The following TTC27 variants were observed in gnomAD, a reference collection of about 807,000 sequenced individuals.
The protein encoded by TTC27 is tetratricopeptide repeat domain 27.
A neutral mutation model predicts 115.9 loss-of-function variants in TTC27; 79 were observed. The ratio of observed to expected loss-of-function variants is 0.68; its 90% CI spans 0.57 to 0.82. The LOEUF is 0.82. Ranked by LOEUF, TTC27 falls within the 40% of genes least tolerant of loss-of-function variation. The pLI is 0.00. For missense variants in TTC27, 1,054 were observed against 993.1 expected (o/e 1.06, Z -0.82); for synonymous variants, 401 against 356.0 (o/e 1.13, Z -1.42).
chr2:32,756,344 A>G (rs902127114), intron 12 of TTC27, among the ~76,000 whole-genome samples: 1 of 152,216 alleles, frequency 6.6e-6, no homozygotes, highest in Non-Finnish European at 1.5e-5. Flanking sequence ...ACATCTCTTT[A>G]TAGGTGACTA....
intron 16 of TTC27, among the ~76,000 whole-genome samples, chr2:32,788,652 A>G (rs1670426854): frequency 6.6e-6 from 1 of 152,128 alleles, no homozygotes; most frequent in Non-Finnish European, 1.5e-5. Flanking sequence ...AACCCCAGTA[A>G]TCTCCTTCAT....
At chr2:32,730,900 G>A (rs1030000916) in intron 10 of TTC27, among the ~76,000 whole-genome samples, 2 of 152,014 alleles carry the variant, frequency 1.3e-5, no homozygotes, top group Non-Finnish European at 2.9e-5. Flanking sequence ...GGGATTACAG[G>A]CATGAGCCAT....
chr2:32,820,925 G>A lies in TTC27; in HGVS notation c.2519G>A (p.Arg840Gln), dbSNP rs889756340. 2.2e-5 allele frequency: 34 copies of A among 1,520,832 alleles called. No homozygotes were observed. Among genetic ancestry groups the A allele is most frequent in the Middle Eastern group, 1.7e-4 (1 of 5,900 alleles). The allele number at this position is 1,520,832 out of a possible 1,614,324, so 94.2% of individuals were successfully genotyped here. The part of the protein sequence containing the change: ...TELQDLSNQF[R>Q]NQY ...CTCCAAGACCTAAGCAACCAGTTTC[G>A]AAATCAGTATTGATTCTGCTGGAAG... The change falls in exon 20 of 20, where the codon CGA becomes CAA. Residue 840 changes from arginine (R) to glutamine (Q), a missense_variant. Transcript: ENST00000317907.
chr2:32,807,464 T>C (rs1273586612), intron 16 of TTC27, among the ~76,000 whole-genome samples: 1 of 151,590 alleles, frequency 6.6e-6, no homozygotes, highest in Non-Finnish European at 1.5e-5. Context: ...TTTGTTGACT[T>C]CTTCTTATCT....
chr2:32,747,047 T>C (rs1266937719), intron 12 of TTC27, among the ~76,000 whole-genome samples: 1 of 152,184 alleles, frequency 6.6e-6, no homozygotes, highest in Non-Finnish European at 1.5e-5. Context: ...TCACCTTCTC[T>C]GGAAAGTTAC....
intron 10 of TTC27, among the ~76,000 whole-genome samples, chr2:32,726,123 T>C (rs1668101875): frequency 6.6e-6 from 1 of 152,228 alleles, no homozygotes; most frequent in Non-Finnish European, 1.5e-5. Context: ...GGACCTGTTA[T>C]TGGAGGGGCT....
chr2:32,732,838 A>T (rs921520144), intron 10 of TTC27, among the ~76,000 whole-genome samples: 3 of 152,226 alleles, frequency 2.0e-5, no homozygotes, highest in African/African-American at 7.2e-5. Context: ...TCCTCATAAG[A>T]GAGGCCTGTG....
chr2:32,713,354 A>C (rs969098066), intron 10 of TTC27, among the ~76,000 whole-genome samples: 1 of 152,244 alleles, frequency 6.6e-6, no homozygotes, highest in Non-Finnish European at 1.5e-5. Context: ...TTGAAAAAAA[A>C]ATTGTGCAAA....
intron 16 of TTC27, among the ~76,000 whole-genome samples, chr2:32,797,417 G>C (rs1206017721): frequency 6.6e-6 from 1 of 152,078 alleles, no homozygotes; most frequent in African/African-American, 2.4e-5. Flanking sequence ...GGCTCAAGCA[G>C]CCTGCCCGCC....
chr2:32,773,007 C>T (rs1669880420), intron 13 of TTC27, among the ~76,000 whole-genome samples: 2 of 152,160 alleles, frequency 1.3e-5, no homozygotes, highest in Admixed American at 6.5e-5. Context: ...CTCTATCACA[C>T]TCTAGGGGAC....
At chr2:32,819,375 C>A (rs1020960966) in intron 19 of TTC27, among the ~76,000 whole-genome samples, 2 of 152,158 alleles carry the variant, frequency 1.3e-5, no homozygotes, top group Admixed American at 1.3e-4. Context: ...AGTGCCTCCT[C>A]TGAAGCATAT....
intron 3 of TTC27, among the ~76,000 whole-genome samples, chr2:32,639,666 T>C (rs1289335302): frequency 6.6e-6 from 1 of 152,226 alleles, no homozygotes; most frequent in Admixed American, 6.5e-5. Context: ...GAAGTGATGA[T>C]ATCTCTTCAA....
At chr2:32,656,017 C>A (rs1162186800) in intron 5 of TTC27, among the ~76,000 whole-genome samples, 1 of 152,136 alleles carries the variant, frequency 6.6e-6, no homozygotes, top group African/African-American at 2.4e-5. Flanking sequence ...GACTGCTCAA[C>A]AACATCAGGG....
At chr2:32,724,445 A>G (rs1461469721) in intron 10 of TTC27, among the ~76,000 whole-genome samples, 1 of 152,130 alleles carries the variant, frequency 6.6e-6, no homozygotes, top group African/African-American at 2.4e-5. Context: ...GACTATGGCT[A>G]CCAGACTGTG....
At chr2:32,814,141 T>C (rs1279389902) in intron 18 of TTC27, among the ~76,000 whole-genome samples, 1 of 152,240 alleles carries the variant, frequency 6.6e-6, no homozygotes, top group African/African-American at 2.4e-5. Flanking sequence ...TATGAACTGC[T>C]CGTCTGTAAC....
chr2:32,629,855 A>G (rs1050831469), intron 1 of TTC27, among the ~76,000 whole-genome samples: 2 of 152,212 alleles, frequency 1.3e-5, no homozygotes, highest in Non-Finnish European at 2.9e-5. Context: ...CAAAAGAGTA[A>G]TAATGAACAG....
intron 16 of TTC27, among the ~76,000 whole-genome samples, chr2:32,799,879 A>T (rs748914329): frequency 5.9e-5 from 9 of 152,232 alleles, no homozygotes; most frequent in Non-Finnish European, 1.0e-4. Context: ...CAAAAGCTTG[A>T]AACCAAAATA....
intron 16 of TTC27, among the ~76,000 whole-genome samples, chr2:32,802,329 GT>G (rs1364508681): frequency 6.6e-6 from 1 of 152,010 alleles, no homozygotes; most frequent in Non-Finnish European, 1.5e-5. Flanking sequence ...AAGTTACCTA[GT>G]TTTTAAAAGT....
At chr2:32,791,790 G>A (rs2060065140) in intron 16 of TTC27, among the ~76,000 whole-genome samples, 1 of 152,102 alleles carries the variant, frequency 6.6e-6, no homozygotes, top group African/African-American at 2.4e-5. Flanking sequence ...CAGGAGGATT[G>A]CTTAAGCCCA....
Sources: gnomAD v4.1 joint callset for allele counts (sites outside exome capture counted in the v4.1 genomes callset) on GRCh38, gnomAD v4.1.1 for gene constraint, MANE v1.5 for transcripts, NCBI Gene and HGNC (gene_info 2026-07-23, HGNC 2026-07-21) for gene names.